TKT: variants seen among roughly 807,000 people sequenced by gnomAD.
TKT encodes the protein epididymis luminal protein 107.
TKT carries 47 observed loss-of-function variants against 63.9 expected under a neutral mutation model. That is an observed-to-expected ratio of 0.74 (90% confidence interval 0.58 to 0.94). The LOEUF (loss-of-function observed/expected upper bound fraction) is 0.94. Among genes scored for constraint, TKT ranks in the 40% least tolerant of loss-of-function variants. TKT has a pLI of 0.00. For missense variants in TKT, 721 were observed against 846.2 expected (o/e 0.85, Z 1.84); for synonymous variants, 338 against 334.1 (o/e 1.01, Z -0.13).
intron 1 of TKT, among the ~76,000 whole-genome samples, chr3:53,242,639 C>T (rs934268253): frequency 3.3e-4 from 50 of 152,204 alleles, no homozygotes; most frequent in African/African-American, 1.2e-3. Context: ...CCAGTTCCCA[C>T]CTAGTGGCCC....
chr3:53,242,434 G>C (rs1705322715), intron 1 of TKT, among the ~76,000 whole-genome samples, 192 bp from the exon 2 acceptor site: 1 of 152,166 alleles, frequency 6.6e-6, no homozygotes, highest in Middle Eastern at 3.2e-3. Flanking sequence ...TGGCAGTTTG[G>C]GGCCTGGGCC....
intron 4 of TKT, among the ~76,000 whole-genome samples, chr3:53,239,681 G>C (rs1220856157): frequency 1.3e-5 from 2 of 151,948 alleles, no homozygotes; most frequent in Non-Finnish European, 2.9e-5. Flanking sequence ...GTGGGCGCTA[G>C]AGCAGCACAC....
intron 1 of TKT, among the ~76,000 whole-genome samples, chr3:53,247,804 C>T (rs144355594): frequency 1.3e-3 from 191 of 152,190 alleles, no homozygotes; most frequent in African/African-American, 4.2e-3. Flanking sequence ...CAGATCTCTG[C>T]CCCATGTCAC....
At chr3:53,237,435 C>G (rs1705081106) in intron 4 of TKT, among the ~76,000 whole-genome samples, 1 of 149,974 alleles carries the variant, frequency 6.7e-6, no homozygotes, top group Admixed American at 6.7e-5. Context: ...CTGTTAATAT[C>G]AGGAGAAAAA....
At chr3:53,247,467 T>C (rs983554782) in intron 1 of TKT, among the ~76,000 whole-genome samples, 13 of 149,192 alleles carry the variant, frequency 8.7e-5, no homozygotes, top group Admixed American at 1.3e-4. Flanking sequence ...AAACCCCGCC[T>C]CTACTAAAAA....
chr3:53,254,906 G>A (rs1184944288), intron 1 of TKT, among the ~76,000 whole-genome samples: 3 of 152,226 alleles, frequency 2.0e-5, no homozygotes, highest in African/African-American at 7.2e-5. Flanking sequence ...GGGCTGGCCA[G>A]GGAAGGATCT....
intron 3 of TKT, among the ~76,000 whole-genome samples, 162 bp downstream of exon 3, chr3:53,240,970 C>T (rs62255989): frequency 0.17 from 25,247 of 152,170 alleles, 2,611 homozygotes; most frequent in Middle Eastern, 0.27. Flanking sequence ...GGGTTGAATA[C>T]GTGTCCCCAA....
In TKT at chr3:53,225,575, C is replaced by T. The variant is rs569146702; in HGVS notation, c.*181G>A. Reference sequence around the variant, plus strand: ...ACCAAGGACACCAGCCTCCCTAGCGCACCCTCCACGCTTCTTCCCCAGAAC... The same window carrying T: ...ACCAAGGACACCAGCCTCCCTAGCGTACCCTCCACGCTTCTTCCCCAGAAC... On this transcript the variant is annotated 3_prime_UTR_variant, in exon 14 of 14. Transcript: ENST00000462138. 81 of 686,094 alleles carry T rather than the reference C, an allele frequency of 1.2e-4. No homozygotes were observed. The East Asian group carries it at 2.4e-3, about 21-fold the overall frequency. 42.5% of individuals were successfully genotyped at this position (686,094 alleles called of 1,614,324 possible).
chr3:53,225,474 C>T lies in TKT; in HGVS notation c.*282G>A, dbSNP rs1704456713. On this transcript the variant is annotated 3_prime_UTR_variant, in exon 14 of 14. Coordinates refer to ENST00000462138, the MANE Select transcript of TKT (RefSeq NM_001064.4). Reference sequence around the variant, plus strand: ...ATGTCACCTGGTGATGAATGGGAGGCAGCGATAGTTCTGGAGGTTGAGGGC... The same window carrying T: ...ATGTCACCTGGTGATGAATGGGAGGTAGCGATAGTTCTGGAGGTTGAGGGC... 3.5e-6 allele frequency: 1 copy of T among 285,472 alleles called. No individual in the cohort carries two copies. Among genetic ancestry groups the T allele is most frequent in the Non-Finnish European group, 6.5e-6 (1 of 153,014 alleles). The allele number at this position is 285,472 out of a possible 1,614,324, so 17.7% of individuals were successfully genotyped here.
Position 53,225,726 on chromosome 3 carries a change from T to A in TKT, c.*30A>T. ...CCTTTCCCAGAATCTCAGGAATGTA[T>A]AGACCCCCGCCCCACACTTCATACC... On this transcript the variant is annotated 3_prime_UTR_variant, in exon 14 of 14. Coordinates refer to ENST00000462138, the MANE Select transcript of TKT (RefSeq NM_001064.4). The A allele has an allele frequency of 6.3e-7, 1 of 1,576,296 alleles. No individual in the cohort carries two copies. The highest frequency in any genetic ancestry group is 8.6e-7 in the Non-Finnish European group (1 of 1,156,254).
At chr3:53,230,411 G>T in intron 8 of TKT, 46 bp downstream of exon 8, 1 of 1,612,400 alleles carries the variant, frequency 6.2e-7, no homozygotes, top group East Asian at 2.2e-5. Flanking sequence ...TCAGACCACA[G>T]CCCTCAGCCT....
chr3:53,228,051 C>T lies in TKT; in HGVS notation c.1573+5G>A. On this transcript the variant is annotated splice_donor_5th_base_variant and intron_variant, in intron 12 of 13. Transcript: ENST00000462138. ...TTGATGACTTTGGAGGCCCCTTCTCCTCACCTTTCTTCAGCAGTTCGGCAG... is the reference window on the plus strand; with the variant it reads ...TTGATGACTTTGGAGGCCCCTTCTCTTCACCTTTCTTCAGCAGTTCGGCAG... The T allele has an allele frequency of 3.7e-6, 6 of 1,612,234 alleles. No individual in the cohort carries two copies. The highest frequency in any genetic ancestry group is 5.1e-6 in the Non-Finnish European group (6 of 1,179,864).
intron 4 of TKT, among the ~76,000 whole-genome samples, chr3:53,238,406 G>C (rs1705129021): frequency 6.6e-6 from 1 of 152,256 alleles, no homozygotes; most frequent in Non-Finnish European, 1.5e-5. Context: ...AGGAATGAAA[G>C]CAAACTGTGG....
Position 53,241,153 on chromosome 3 carries a change from G to C in TKT, c.318C>G (p.Asp106Glu). 1.3e-6 allele frequency: 2 copies of C among 1,577,446 alleles called. No homozygotes were observed. Among genetic ancestry groups the C allele is most frequent in the Non-Finnish European group, 8.6e-7 (1 of 1,167,042 alleles). The stretch of plus-strand genomic sequence containing the variant: ...TTACCGGGACCGGGTGCCCGTCCAA[G>C]TCGGAGCTGATCTTCCTCAGGTTCA... The part of the protein sequence containing the change: ...ELLNLRKISS[D>E]LDGHPVPKQA... The change falls in exon 3 of 14, where the codon GAC becomes GAG. Residue 106 changes from aspartate to glutamate, a missense_variant. Physicochemically the swap from Asp to Glu is conservative, Grantham distance 45 (BLOSUM62 2). Coordinates refer to ENST00000462138, the MANE Select transcript of TKT (RefSeq NM_001064.4).
At chr3:53,227,588 A>G (rs566309870) in intron 12 of TKT, 1 of 161,824 alleles carries the variant, frequency 6.2e-6, no homozygotes, top group South Asian at 1.6e-4. Flanking sequence ...CCTACAAACC[A>G]CTAGCCAACA....
intron 4 of TKT, 23 bp downstream of exon 4, chr3:53,240,228 G>T (rs1553679479): frequency 6.2e-7 from 1 of 1,603,780 alleles, no homozygotes; most frequent in Admixed American, 1.7e-5. Context: ...ACCCAGGTTG[G>T]GGGTGGGGAG....
intron 1 of TKT, among the ~76,000 whole-genome samples, chr3:53,248,889 A>T (rs1171059560): frequency 6.6e-6 from 1 of 152,218 alleles, no homozygotes; most frequent in African/African-American, 2.4e-5. Flanking sequence ...AAATCTCTGC[A>T]AATTCATTAA....
chr3:53,243,888 G>A (rs1705393385), intron 1 of TKT, among the ~76,000 whole-genome samples: 1 of 152,164 alleles, frequency 6.6e-6, no homozygotes, highest in African/African-American at 2.4e-5. Flanking sequence ...GTGGACACTG[G>A]GCCAAACTGT....
At chr3:53,241,383 G>A in intron 2 of TKT, 138 bp from the exon 3 acceptor site, 1 of 687,470 alleles carries the variant, frequency 1.5e-6, no homozygotes, top group Non-Finnish European at 2.3e-6. Context: ...AGCAAGTGAA[G>A]GCCACTTCTC....
Sources: gnomAD v4.1 joint callset for allele counts (sites outside exome capture counted in the v4.1 genomes callset) on GRCh38, gnomAD v4.1.1 for gene constraint, MANE v1.5 for transcripts, NCBI Gene and HGNC (gene_info 2026-07-23, HGNC 2026-07-21) for gene names.